The following RPN2 variants were observed in gnomAD, a reference collection of about 807,000 sequenced individuals.
RPN2 encodes the protein dolichyl-diphosphooligosaccharide--protein glycosyltransferase subunit 2.
A neutral mutation model predicts 71.4 loss-of-function variants in RPN2; 29 were observed. The ratio of observed to expected loss-of-function variants is 0.41; its 90% CI spans 0.30 to 0.55. The LOEUF is 0.55. Ranked by LOEUF, RPN2 falls within the 20% of genes least tolerant of loss-of-function variation. The pLI is 0.35. For synonymous variants in RPN2, 308 were observed against 305.0 expected, an observed-to-expected ratio of 1.01 and a Z score of -0.10; for missense variants, 726 against 774.1, an observed-to-expected ratio of 0.94 and a Z score of 0.74.
intron 2 of RPN2, 65 bp from the exon 3 acceptor site, chr20:37,198,332 G>T: frequency 6.2e-7 from 1 of 1,613,292 alleles, no homozygotes; most frequent in Non-Finnish European, 8.5e-7. Context: ...ATCTAAAAAC[G>T]CCTTTGCTTT....
intron 4 of RPN2, among the ~76,000 whole-genome samples, chr20:37,203,361 CTTTTTTTTTTTTTT>C (rs11348988): frequency 7.2e-6 from 1 of 138,116 alleles, no homozygotes; most frequent in African/African-American, 2.7e-5. Flanking sequence ...TTGCTTCAAT[CTTTTTTTTTTTTTT>C]TTTTTTTTTC....
At chr20:37,201,940 A>G (rs1342368940) in intron 4 of RPN2, among the ~76,000 whole-genome samples, 1 of 152,226 alleles carries the variant, frequency 6.6e-6, no homozygotes, top group Non-Finnish European at 1.5e-5. Flanking sequence ...ATTTCTCTGA[A>G]TCATCTGCTA....
intron 2 of RPN2, among the ~76,000 whole-genome samples, chr20:37,195,779 G>A (rs2067243654): frequency 6.6e-6 from 1 of 152,066 alleles, no homozygotes; most frequent in Non-Finnish European, 1.5e-5. Context: ...CCCCTGCTTG[G>A]ACTCCTTGAG....
At chr20:37,210,688 G>A (rs1006593239) in intron 8 of RPN2, among the ~76,000 whole-genome samples, 1 of 151,804 alleles carries the variant, frequency 6.6e-6, no homozygotes, top group Non-Finnish European at 1.5e-5. Flanking sequence ...CCGCCACCAC[G>A]TCCGGCTAAT....
At chr20:37,199,297 G>C (rs1460766073) in intron 4 of RPN2, 72 bp downstream of exon 4, 16 of 1,572,478 alleles carry the variant, frequency 1.0e-5, no homozygotes, top group African/African-American at 2.7e-5. Flanking sequence ...CTCATTCATT[G>C]GTTCAGCAAA....
intron 11 of RPN2, among the ~76,000 whole-genome samples, chr20:37,226,129 AG>A (rs1217286561): frequency 6.6e-6 from 1 of 152,130 alleles, no homozygotes; most frequent in Non-Finnish European, 1.5e-5. Flanking sequence ...GATGGAGTGC[AG>A]TGGTGTGATC....
intron 15 of RPN2, among the ~76,000 whole-genome samples, chr20:37,234,687 T>TTG (rs1410225603): frequency 6.7e-6 from 1 of 150,216 alleles, no homozygotes; most frequent in Non-Finnish European, 1.5e-5. Flanking sequence ...TGTTCGTTGT[T>TTG]TTTTTTTTTT....
chr20:37,214,795 G>T lies in RPN2; in HGVS notation c.1092+930G>T, dbSNP rs116030045. 3.8e-3 allele frequency among the ~76,000 whole-genome samples: 571 copies of T among 152,248 alleles called. 4 individuals are homozygous for T. Among genetic ancestry groups the T allele is most frequent in the African/African-American group, 0.013 (555 of 41,528 alleles). On this transcript the variant is annotated intron_variant, in intron 9 of 16. Coordinates refer to ENST00000237530, the MANE Select transcript of RPN2 (RefSeq NM_002951.5). ...TGTTAACCTTGATCACTTGAGTAAG[G>T]TGATTGTGTGCTAGGTTTCTCTGCT...
chr20:37,211,970 C>A (rs1005153688), intron 8 of RPN2, among the ~76,000 whole-genome samples: 1 of 152,064 alleles, frequency 6.6e-6, no homozygotes. Flanking sequence ...ACTGCCTCAG[C>A]CTCCGAGTGG....
At chr20:37,179,598 CTA>C in intron 1 of RPN2, 1 of 1,153,166 alleles carries the variant, frequency 8.7e-7, no homozygotes, top group Non-Finnish European at 1.2e-6. Context: ...CAGCGCGGAG[CTA>C]CGGGTCGCCC....
At chr20:37,199,558 C>T (rs992225992) in intron 4 of RPN2, among the ~76,000 whole-genome samples, 7 of 152,076 alleles carry the variant, frequency 4.6e-5, no homozygotes, top group African/African-American at 1.7e-4. Context: ...GAAGGAGCCA[C>T]GTGCATGTCT....
intron 9 of RPN2, among the ~76,000 whole-genome samples, chr20:37,214,084 A>G (rs1344916841): frequency 6.6e-6 from 1 of 152,178 alleles, no homozygotes; most frequent in East Asian, 1.9e-4. Context: ...TTTTATTTGT[A>G]AGTTTTTCAT....
chr20:37,217,754 G>A (rs112385588), intron 9 of RPN2, among the ~76,000 whole-genome samples: 1 of 67,544 alleles, frequency 1.5e-5, no homozygotes, highest in East Asian at 2.7e-4. Flanking sequence ...TTTTGAGATG[G>A]AATCTTGCTG....
In RPN2 at chr20:37,198,475, G is replaced by A; in HGVS notation, c.286G>A (p.Ala96Thr). The change falls in exon 3 of 17, where the codon GCC becomes ACC. Residue 96 changes from alanine to threonine, a missense_variant. By Grantham distance (58) the Ala-to-Thr change is moderately conservative. Transcript: ENST00000237530. ...CTTCTACGCTGCCCAGGCCAGCCAG[G>A]CCCTCTCAGGATGTGAGGTGAGTCC... Reference protein sequence around the residue: ...SLFYAAQASQALSGCEISISN... With the variant: ...SLFYAAQASQTLSGCEISISN... 1.2e-6 allele frequency: 2 copies of A among 1,614,180 alleles called. No individual in the cohort carries two copies. The highest frequency in any genetic ancestry group is 1.1e-5 in the South Asian group (1 of 91,086).
chr20:37,207,142 T>G, intron 6 of RPN2, 131 bp from the exon 7 acceptor site: 1 of 733,700 alleles, frequency 1.4e-6, no homozygotes, highest in South Asian at 1.5e-5. Context: ...CATCTACGAA[T>G]TTGGATCATT....
chr20:37,230,268 A>G (rs765548457), intron 13 of RPN2, among the ~76,000 whole-genome samples: 5 of 152,246 alleles, frequency 3.3e-5, no homozygotes, highest in Non-Finnish European at 7.3e-5. Flanking sequence ...GAAAGCAGAG[A>G]GTTGAAGATG....
At chr20:37,233,912 T>C in intron 14 of RPN2, 108 bp from the exon 15 acceptor site, 1 of 1,221,550 alleles carries the variant, frequency 8.2e-7, no homozygotes, top group Middle Eastern at 1.9e-4. Flanking sequence ...CTAGGATGCA[T>C]GAACTTTGAA....
chr20:37,225,970 T>C (rs2068065435), intron 11 of RPN2, among the ~76,000 whole-genome samples, 168 bp downstream of exon 11: 1 of 152,222 alleles, frequency 6.6e-6, no homozygotes, highest in Non-Finnish European at 1.5e-5. Flanking sequence ...CTCACCCTTC[T>C]ACTGGTTGTA....
chr20:37,220,716 C>G (rs2067933460), intron 9 of RPN2, among the ~76,000 whole-genome samples: 1 of 152,136 alleles, frequency 6.6e-6, no homozygotes, highest in African/African-American at 2.4e-5. Context: ...CAACAGGGAT[C>G]CTACACTGAA....
Sources: allele counts gnomAD v4.1 joint callset (sites outside exome capture counted in the v4.1 genomes callset), GRCh38; gene constraint gnomAD v4.1.1; transcripts MANE v1.5; gene names NCBI Gene and HGNC (gene_info 2026-07-23, HGNC 2026-07-21).